The following IL34 variants were observed in gnomAD, a reference collection of about 807,000 sequenced individuals.
The protein encoded by IL34 is interleukin 34.
A neutral mutation model predicts 25.3 loss-of-function variants in IL34; 17 were observed. The observed-to-expected ratio is 0.67, with a 90% CI of 0.46 to 1.01. The LOEUF (loss-of-function observed/expected upper bound fraction) is 1.01, where lower values mean the gene tolerates loss of function less well. Among genes scored for constraint, IL34 ranks in the 50% least tolerant of loss-of-function variants. The pLI is 0.00. For missense variants in IL34, 368 were observed against 312.9 expected (o/e 1.18, Z -1.33); for synonymous variants, 174 against 140.9 (o/e 1.23, Z -1.66).
At chr16:70,653,860 A>G (rs549713533) in intron 1 of IL34, among the ~76,000 whole-genome samples, 8 of 152,060 alleles carry the variant, frequency 5.3e-5, no homozygotes, top group African/African-American at 1.2e-4. Context: ...GTTCAGTCAC[A>G]TGGAAATCGT....
Position 70,623,939 on chromosome 16 carries a change from G to A in IL34, c.-400-22609G>A, listed in dbSNP as rs942422278. The stretch of plus-strand genomic sequence containing the variant: ...CTTGAAAAGAAGGTAATGTGGAGTG[G>A]GTAGCCTCCGTATTGATTAAGGCGA... On this transcript the variant is annotated intron_variant, in intron 1 of 6. Coordinates refer to the IL34 transcript ENST00000429149. 2.8e-5 allele frequency among the ~76,000 whole-genome samples: 4 copies of A among 140,920 alleles called. No homozygotes were observed. The East Asian group carries it at 6.4e-4, about 22-fold the overall frequency. The allele number at this position is 140,920 out of a possible 152,430, so 92.4% of individuals were successfully genotyped here. A position where few individuals can be genotyped will look rare whatever the true frequency, so the allele number is the denominator to read the frequency against.
chr16:70,655,090 G>C (rs542724706), intron 2 of IL34, among the ~76,000 whole-genome samples: 13 of 150,770 alleles, frequency 8.6e-5, no homozygotes, highest in African/African-American at 3.2e-4. Flanking sequence ...GTCTTGGTCT[G>C]TCACCAGGCT....
Position 70,660,092 on chromosome 16 carries a change from C to G in IL34, c.634C>G (p.Leu212Val), listed in dbSNP as rs1490697910. The G allele has an allele frequency of 1.2e-6, 2 of 1,613,554 alleles. No individual in the cohort carries two copies. Among genetic ancestry groups the G allele is most frequent in the African/African-American group, 2.7e-5 (2 of 74,908 alleles). ...EPSLQYAATQ[L>V]YPPPPWSPSS... ...CTCATTGCAGTATGCGGCCACCCAG[C>G]TGTACCCTCCGCCCCCGTGGTCCCC... Residue 212 changes from leucine to valine, a missense_variant, in exon 6 of 6, where the codon CTG (leucine) becomes GTG (valine). Physicochemically the swap from Leu to Val is conservative, Grantham distance 32. Transcript: ENST00000288098.
intron 1 of IL34, among the ~76,000 whole-genome samples, chr16:70,653,295 T>C (rs1001950385): frequency 6.6e-6 from 1 of 150,546 alleles, no homozygotes; most frequent in African/African-American, 2.5e-5. Context: ...GAAGGACCGC[T>C]TGACACTAGG....
intron 1 of IL34, among the ~76,000 whole-genome samples, chr16:70,586,899 G>A (rs553758609): frequency 6.6e-6 from 1 of 152,304 alleles, no homozygotes; most frequent in East Asian, 1.9e-4. Flanking sequence ...CACCTGTGGC[G>A]GCCACCTGGT....
At chr16:70,654,839 TACTG>T (rs894000682) in intron 2 of IL34, among the ~76,000 whole-genome samples, 168 bp downstream of exon 2, 10 of 152,076 alleles carry the variant, frequency 6.6e-5, no homozygotes, top group African/African-American at 1.2e-4. Context: ...GGTCTGCACT[TACTG>T]ACCCTCCTCC....
At chr16:70,624,489 G>A (rs2051348644) in intron 1 of IL34, among the ~76,000 whole-genome samples, 1 of 152,134 alleles carries the variant, frequency 6.6e-6, no homozygotes, top group Non-Finnish European at 1.5e-5. Context: ...GTAATAAAAT[G>A]TATTTTGAGA....
intron 1 of IL34, among the ~76,000 whole-genome samples, chr16:70,615,530 TA>T (rs1222763445): frequency 2.0e-5 from 3 of 151,900 alleles, no homozygotes; most frequent in Admixed American, 1.3e-4. Flanking sequence ...AATAAATAAA[TA>T]AAATAAAGAT....
chr16:70,610,226 G>A (rs956695643), intron 1 of IL34, among the ~76,000 whole-genome samples: 1 of 151,134 alleles, frequency 6.6e-6, no homozygotes, highest in East Asian at 1.9e-4. Flanking sequence ...AAAAGTGAAC[G>A]TTTTTCCAAG....
chr16:70,581,056 C>T (rs955983687), intron 1 of IL34, among the ~76,000 whole-genome samples: 1 of 151,730 alleles, frequency 6.6e-6, no homozygotes, highest in Non-Finnish European at 1.5e-5. Context: ...GGATTACAGG[C>T]ACCCGCTACC....
chr16:70,645,343 T>C (rs888335310), upstream of IL34, among the ~76,000 whole-genome samples: 1 of 152,098 alleles, frequency 6.6e-6, no homozygotes, highest in Non-Finnish European at 1.5e-5. Context: ...CATTCTTTGG[T>C]GACACCATGG....
At chr16:70,610,183 A>C (rs2051069896) in intron 1 of IL34, among the ~76,000 whole-genome samples, 1 of 151,630 alleles carries the variant, frequency 6.6e-6, no homozygotes, top group African/African-American at 2.4e-5. Flanking sequence ...GCCTGGGCGA[A>C]AGAGCGAGAC....
chr16:70,638,013 A>C (rs1192886685), intron 1 of IL34, among the ~76,000 whole-genome samples: 1 of 152,140 alleles, frequency 6.6e-6, no homozygotes, highest in East Asian at 1.9e-4. Context: ...TGGATATCCC[A>C]GGCATTCAGC....
intron 1 of IL34, among the ~76,000 whole-genome samples, chr16:70,616,070 G>A (rs555147026): frequency 6.6e-6 from 1 of 152,314 alleles, no homozygotes; most frequent in Admixed American, 6.5e-5. Context: ...TGTCTTGCTT[G>A]TTTTACTGAA....
intron 1 of IL34, among the ~76,000 whole-genome samples, chr16:70,652,198 G>A (rs566767849): frequency 2.0e-4 from 30 of 152,278 alleles, no homozygotes; most frequent in African/African-American, 7.2e-4. Context: ...GCTCATGCCT[G>A]TAATCCCAGC....
At chr16:70,656,928 C>T (rs1392885739) in intron 3 of IL34, 32 bp from the exon 4 acceptor site, 2 of 1,588,220 alleles carry the variant, frequency 1.3e-6, no homozygotes, top group Admixed American at 3.4e-5. Flanking sequence ...GCCCATGTCT[C>T]CCGAGTTGCA....
chr16:70,605,730 G>C (rs1198386574), intron 1 of IL34, among the ~76,000 whole-genome samples: 1 of 151,988 alleles, frequency 6.6e-6, no homozygotes. Context: ...GAGTGCAGCA[G>C]CGCAATCTCG....
At chr16:70,598,816 G>A (rs112904196) in intron 1 of IL34, among the ~76,000 whole-genome samples, 18 of 152,312 alleles carry the variant, frequency 1.2e-4, no homozygotes, top group African/African-American at 3.4e-4. Context: ...GACGATAGAC[G>A]GATGCCTGCA....
At chr16:70,591,650 T>G (rs1286851458) in intron 1 of IL34, among the ~76,000 whole-genome samples, 1 of 151,798 alleles carries the variant, frequency 6.6e-6, no homozygotes, top group Non-Finnish European at 1.5e-5. Context: ...TCACCTTGTA[T>G]GGAGGCACAG....
Sources: gnomAD v4.1 joint callset for allele counts (sites outside exome capture counted in the v4.1 genomes callset) on GRCh38, gnomAD v4.1.1 for gene constraint, MANE v1.5 for transcripts, NCBI Gene and HGNC (gene_info 2026-07-23, HGNC 2026-07-21) for gene names.